Variants in TRIO observed in about 807,000 individuals in gnomAD.
TRIO encodes triple functional domain protein.
TRIO carries 58 observed loss-of-function variants against 351.9 expected under a neutral mutation model. The ratio of observed to expected loss-of-function variants is 0.16; its 90% CI spans 0.13 to 0.21. The LOEUF (loss-of-function observed/expected upper bound fraction) is 0.21. Among genes scored for constraint, TRIO ranks in the 10% least tolerant of loss-of-function variants. TRIO has a pLI of 1.00. For synonymous variants in TRIO, 1,758 were observed against 1,595.7 expected (o/e 1.10, Z -2.42); for missense variants, 3,201 against 4,027.8 (o/e 0.79, Z 5.56).
At chr5:14,267,018 C>G (rs559210266) in intron 1 of TRIO, among the ~76,000 whole-genome samples, 77 of 152,264 alleles carry the variant, frequency 5.1e-4, no homozygotes, top group African/African-American at 1.7e-3. Context: ...CAGATAGTAG[C>G]AAAATATGCC....
chr5:14,157,634 C>A (rs1048609199), intron 1 of TRIO, among the ~76,000 whole-genome samples: 1 of 152,050 alleles, frequency 6.6e-6, no homozygotes, highest in Non-Finnish European at 1.5e-5. Flanking sequence ...CTTGCCCAGG[C>A]TGGAGTGCAG....
intron 47 of TRIO, among the ~76,000 whole-genome samples, chr5:14,487,086 C>T (rs1316860989): frequency 6.6e-6 from 1 of 152,136 alleles, no homozygotes; most frequent in Non-Finnish European, 1.5e-5. Context: ...CAGAGGTGGT[C>T]TATGAAACCG....
intron 7 of TRIO, among the ~76,000 whole-genome samples, chr5:14,302,195 GAT>G (rs1275591236): frequency 6.6e-6 from 1 of 152,156 alleles, no homozygotes; most frequent in African/African-American, 2.4e-5. Context: ...TTGATATAGT[GAT>G]ATGTTAATCT....
intron 53 of TRIO, among the ~76,000 whole-genome samples, chr5:14,500,713 C>T (rs1309553887): frequency 6.6e-6 from 1 of 152,060 alleles, no homozygotes; most frequent in Non-Finnish European, 1.5e-5. Context: ...CATGGCAAAA[C>T]ACCATCTCTA....
At chr5:14,381,324 T>C (rs891571557) in intron 21 of TRIO, 72 bp downstream of exon 21, 2 of 1,509,900 alleles carry the variant, frequency 1.3e-6, no homozygotes, top group Non-Finnish European at 1.8e-6. Flanking sequence ...CATAAAGAAA[T>C]ACCTCATGAG....
intron 7 of TRIO, among the ~76,000 whole-genome samples, chr5:14,302,126 A>T (rs1456528620): frequency 6.6e-6 from 1 of 152,188 alleles, no homozygotes; most frequent in African/African-American, 2.4e-5. Flanking sequence ...AACTTCTTGA[A>T]TGTTTTTTCT....
At chr5:14,208,241 G>A (rs1354643937) in intron 1 of TRIO, among the ~76,000 whole-genome samples, 3 of 152,166 alleles carry the variant, frequency 2.0e-5, no homozygotes, top group Non-Finnish European at 4.4e-5. Context: ...AGCCAAAAAT[G>A]AAATGATCTA....
chr5:14,218,848 A>G (rs1453142597), intron 1 of TRIO, among the ~76,000 whole-genome samples: 3 of 152,250 alleles, frequency 2.0e-5, no homozygotes, highest in Admixed American at 6.5e-5. Flanking sequence ...GAACTTTCCA[A>G]TAGCAGTAAA....
chr5:14,233,061 G>A (rs1793547117), intron 1 of TRIO, among the ~76,000 whole-genome samples: 1 of 152,128 alleles, frequency 6.6e-6, no homozygotes, highest in Non-Finnish European at 1.5e-5. Context: ...GCATCAACAT[G>A]AAGGATCACT....
At chr5:14,389,465 A>G (rs1746858804) in intron 25 of TRIO, 67 bp downstream of exon 25, 1 of 1,160,754 alleles carries the variant, frequency 8.6e-7, no homozygotes, top group Non-Finnish European at 1.2e-6. Context: ...ATCACAAGAA[A>G]TGAACCATTC....
chr5:14,329,670 C>G (rs1740728946), intron 9 of TRIO, among the ~76,000 whole-genome samples: 1 of 152,212 alleles, frequency 6.6e-6, no homozygotes, highest in Admixed American at 6.5e-5. Context: ...AATACTATAG[C>G]TGTGCATTAA....
intron 11 of TRIO, among the ~76,000 whole-genome samples, chr5:14,353,522 T>C (rs1743328966): frequency 6.6e-6 from 1 of 151,980 alleles, no homozygotes; most frequent in Admixed American, 6.6e-5. Flanking sequence ...CCTCGACCTC[T>C]GAGTGCTGGG....
chr5:14,192,276 C>G (rs1208200043), intron 1 of TRIO, among the ~76,000 whole-genome samples: 1 of 150,240 alleles, frequency 6.7e-6, no homozygotes, highest in East Asian at 1.9e-4. Context: ...TTTTTTCCCC[C>G]AAGAACAGAG....
At chr5:14,183,978 C>T (rs1330615594) in intron 1 of TRIO, 1 of 697,794 alleles carries the variant, frequency 1.4e-6, no homozygotes, top group Non-Finnish European at 2.6e-6. Context: ...GTGTCCCAGA[C>T]TTTAAAAAAT....
intron 19 of TRIO, among the ~76,000 whole-genome samples, chr5:14,374,800 A>G (rs1219619367): frequency 6.6e-6 from 1 of 152,116 alleles, no homozygotes; most frequent in Non-Finnish European, 1.5e-5. Flanking sequence ...AAAAATAATA[A>G]TATATAGGTT....
At chr5:14,330,753 C>A in intron 9 of TRIO, 25 bp from the exon 10 acceptor site, 1 of 1,611,224 alleles carries the variant, frequency 6.2e-7, no homozygotes, top group Non-Finnish European at 8.5e-7. Flanking sequence ...GTTTTTATGG[C>A]ATATGTACCT....
intron 1 of TRIO, among the ~76,000 whole-genome samples, chr5:14,266,865 A>G (rs1795710375): frequency 6.6e-6 from 1 of 152,212 alleles, no homozygotes; most frequent in African/African-American, 2.4e-5. Flanking sequence ...TTGGTTCAGA[A>G]GCATATTTGT....
chr5:14,159,809 C>T (rs1213339088), intron 1 of TRIO, among the ~76,000 whole-genome samples: 1 of 152,190 alleles, frequency 6.6e-6, no homozygotes, highest in African/African-American at 2.4e-5. Context: ...TCCTGATCTG[C>T]CCGCCTCGGC....
At chr5:14,273,739 G>A (rs1735241584) in intron 2 of TRIO, among the ~76,000 whole-genome samples, 1 of 152,202 alleles carries the variant, frequency 6.6e-6, no homozygotes, top group South Asian at 2.1e-4. Flanking sequence ...AATGGAGTTT[G>A]CGCCTAATGG....
Sources: gnomAD v4.1 joint callset for allele counts (sites outside exome capture counted in the v4.1 genomes callset) on GRCh38, gnomAD v4.1.1 for gene constraint, MANE v1.5 for transcripts, NCBI Gene and HGNC (gene_info 2026-07-23, HGNC 2026-07-21) for gene names.